The following CFH variants were observed in gnomAD, a reference collection of about 807,000 sequenced individuals.
CFH encodes H factor 1 (complement).
In CFH, 53 loss-of-function variants were observed where a neutral mutation model predicts 147.3. The observed-to-expected ratio is 0.36, with a 90% CI of 0.29 to 0.45. The LOEUF (loss-of-function observed/expected upper bound fraction) is 0.45. Among genes scored for constraint, CFH ranks in the 20% least tolerant of loss-of-function variants. CFH has a pLI of 1.00. For missense variants in CFH, 1,380 were observed against 1,498.0 expected (o/e 0.92, Z 1.30); for synonymous variants, 536 against 489.4 (o/e 1.10, Z -1.26).
chr1:196,656,181 G>A (rs1317645129), intron 1 of CFH, among the ~76,000 whole-genome samples: 2 of 152,008 alleles, frequency 1.3e-5, no homozygotes, highest in East Asian at 3.9e-4. Flanking sequence ...GCGCGTGCCT[G>A]TAATCTCAGC....
chr1:196,731,922 G>A (rs772560832), intron 15 of CFH, among the ~76,000 whole-genome samples: 11 of 151,684 alleles, frequency 7.3e-5, no homozygotes, highest in South Asian at 2.1e-4. Context: ...TCAATACTTG[G>A]TCTATAACTT....
At chr1:196,742,881 TA>T (rs1344397763) in intron 19 of CFH, among the ~76,000 whole-genome samples, 1 of 152,194 alleles carries the variant, frequency 6.6e-6, no homozygotes, top group African/African-American at 2.4e-5. Flanking sequence ...ATAGGCTTTT[TA>T]AAAAAATTTT....
intron 9 of CFH, among the ~76,000 whole-genome samples, chr1:196,696,231 G>A (rs927748956): frequency 4.6e-5 from 7 of 151,958 alleles, no homozygotes; most frequent in African/African-American, 1.4e-4. Context: ...CCCAGCAAAC[G>A]CAAAAGAACA....
At chr1:196,739,804 A>T (rs1045247217) in intron 17 of CFH, among the ~76,000 whole-genome samples, 2 of 152,112 alleles carry the variant, frequency 1.3e-5, no homozygotes, top group African/African-American at 4.8e-5. Flanking sequence ...TTACAGCAGC[A>T]CCCTACTCTC....
At chr1:196,680,676 C>G (rs1667618667) in intron 6 of CFH, among the ~76,000 whole-genome samples, 1 of 151,846 alleles carries the variant, frequency 6.6e-6, no homozygotes, top group Non-Finnish European at 1.5e-5. Context: ...GTCCAGAAAT[C>G]TAAAAGGGTG....
intron 3 of CFH, 142 bp downstream of exon 3, chr1:196,674,104 G>T: frequency 1.6e-6 from 1 of 639,562 alleles, no homozygotes; most frequent in Non-Finnish European, 2.7e-6. Flanking sequence ...TAACTATGAT[G>T]GAAATAATTA....
intron 6 of CFH, among the ~76,000 whole-genome samples, chr1:196,683,229 C>T (rs1323581775): frequency 1.3e-5 from 2 of 151,370 alleles, no homozygotes; most frequent in Non-Finnish European, 3.0e-5. Flanking sequence ...ATGGAGAACA[C>T]CAAAAAGTAT....
At chr1:196,737,763 A>G in intron 17 of CFH, 103 bp downstream of exon 17, 4 of 816,726 alleles carry the variant, frequency 4.9e-6, no homozygotes, top group Non-Finnish European at 7.8e-6. Context: ...TGCATATATA[A>G]AATAATTTAT....
At chr1:196,714,056 A>ATT (rs906725405) in intron 10 of CFH, 139 bp downstream of exon 10, 10 of 739,506 alleles carry the variant, frequency 1.4e-5, no homozygotes, top group Non-Finnish European at 2.2e-5. Flanking sequence ...GCAGACATCA[A>ATT]TTTTTTTTCC....
intron 9 of CFH, among the ~76,000 whole-genome samples, chr1:196,705,574 G>T (rs1029397509): frequency 6.6e-6 from 1 of 152,182 alleles, no homozygotes; most frequent in Non-Finnish European, 1.5e-5. Context: ...AAAGCCATTT[G>T]ATTTGTTCAT....
rs765131877 is a variant in CFH at position 196,690,196 on chromosome 1, T to C, written c.1293T>C (p.Cys431=). 1.2e-6 allele frequency: 2 copies of C among 1,613,346 alleles called. No homozygotes were observed. Among genetic ancestry groups the C allele is most frequent in the African/African-American group, 1.3e-5 (1 of 74,862 alleles). The change falls in exon 9 of 22, where the codon TGT becomes TGC. Residue 431 remains cysteine (C), a synonymous_variant. Coordinates refer to ENST00000367429, the MANE Select transcript of CFH (RefSeq NM_000186.4). The part of the protein sequence containing the change: ...ALPKAQTTVT[C]MENGWSPTPR... ...CAAAAGCGCAGACCACAGTTACATG[T>C]ATGGAGAATGGCTGGTCTCCTACTC...
At chr1:196,660,597 A>T (rs1306752672) in intron 1 of CFH, among the ~76,000 whole-genome samples, 1 of 152,196 alleles carries the variant, frequency 6.6e-6, no homozygotes. Flanking sequence ...GAGCAAGGGA[A>T]AATAGAACAG....
intron 9 of CFH, among the ~76,000 whole-genome samples, chr1:196,696,396 A>AT (rs1558165686): frequency 1.3e-5 from 2 of 152,168 alleles, no homozygotes; most frequent in Non-Finnish European, 2.9e-5. Context: ...GAAGTAAATA[A>AT]GTTCCTTGAA....
chr1:196,713,799 T>C lies in CFH; in HGVS notation c.1401T>C (p.Tyr467=). The C allele has an allele frequency of 6.2e-7, 1 of 1,607,114 alleles. No individual in the cohort carries two copies. Among genetic ancestry groups the C allele is most frequent in the Non-Finnish European group, 8.5e-7 (1 of 1,174,170 alleles). ...TTATTTCTGAATCTCAGTATACATA[T>C]GCCTTAAAAGAAAAAGCGAAATATC... The part of the protein sequence containing the change: ...NGFISESQYT[Y]ALKEKAKYQC... The change falls in exon 10 of 22, where the codon TAT becomes TAC. Residue 467 remains tyrosine, a synonymous_variant. Transcript: ENST00000367429.
At chr1:196,745,767 A>G (rs773874037) in intron 20 of CFH, 50 bp from the exon 21 acceptor site, 5 of 1,613,264 alleles carry the variant, frequency 3.1e-6, no homozygotes, top group Non-Finnish European at 4.2e-6. Context: ...TTGAACTTGT[A>G]TTTTGATTTG....
chr1:196,695,679 C>T (rs1314766734), intron 9 of CFH, among the ~76,000 whole-genome samples: 3 of 151,980 alleles, frequency 2.0e-5, no homozygotes, highest in Admixed American at 6.6e-5. Context: ...TCTCTTATTT[C>T]CCTGAGCAGT....
At position 196,685,184 on chromosome 1, in the gene CFH, G is replaced by A. The variant is rs1403000919; in HGVS notation, c.911G>A (p.Gly304Glu). 6.2e-7 allele frequency: 1 copy of A among 1,612,914 alleles called. No homozygotes were observed. Among genetic ancestry groups the A allele is most frequent in the Non-Finnish European group, 8.5e-7 (1 of 1,179,370 alleles). ...AATGGTTTTTATCCTGCAACCCGGG[G>A]AAATACAGCAAAATGCACAAGTACT... ...CRNGFYPATR[G>E]NTAKCTSTGW... The change falls in exon 7 of 22, where the codon GGA becomes GAA. Residue 304 changes from glycine to glutamate, a missense_variant. Physicochemically the swap from Gly to Glu is moderately conservative, Grantham distance 98 (BLOSUM62 -2). Coordinates refer to ENST00000367429, the MANE Select transcript of CFH (RefSeq NM_000186.4).
At chr1:196,736,127 G>A (rs1669396649) in intron 15 of CFH, among the ~76,000 whole-genome samples, 1 of 152,094 alleles carries the variant, frequency 6.6e-6, no homozygotes. Flanking sequence ...GAGCTTAGCT[G>A]TGAGTTTACA....
chr1:196,653,091 G>A (rs917140285), intron 1 of CFH, among the ~76,000 whole-genome samples: 1 of 151,536 alleles, frequency 6.6e-6, no homozygotes, highest in Non-Finnish European at 1.5e-5. Context: ...TAGCCTCTAG[G>A]AACTGAAGAA....
Sources: gnomAD v4.1 joint callset for allele counts (sites outside exome capture counted in the v4.1 genomes callset) on GRCh38, gnomAD v4.1.1 for gene constraint, MANE v1.5 for transcripts, NCBI Gene and HGNC (gene_info 2026-07-23, HGNC 2026-07-21) for gene names.